Variants in GATAD2A observed in about 807,000 individuals in gnomAD.
The protein encoded by GATAD2A is transcriptional repressor p66-alpha.
In GATAD2A, 12 loss-of-function variants were observed where a neutral mutation model predicts 68.5. The ratio of observed to expected loss-of-function variants is 0.18; its 90% confidence interval spans 0.11 to 0.28. The LOEUF (loss-of-function observed/expected upper bound fraction) is 0.28, where lower values mean the gene tolerates loss of function less well. Ranked by LOEUF, GATAD2A falls within the 10% of genes least tolerant of loss-of-function variation. GATAD2A has a pLI of 1.00. For missense variants in GATAD2A, 755 were observed against 868.5 expected, an observed-to-expected ratio of 0.87 and a Z score of 1.64; for synonymous variants, 410 against 375.3, an observed-to-expected ratio of 1.09 and a Z score of -1.07.
intron 1 of GATAD2A, among the ~76,000 whole-genome samples, chr19:19,429,017 G>GTT (rs35115269): frequency 1.0e-4 from 13 of 130,100 alleles, no homozygotes; most frequent in African/African-American, 1.7e-4. Context: ...GCATTTGTAT[G>GTT]TTTTTTTTTT....
intron 1 of GATAD2A, among the ~76,000 whole-genome samples, chr19:19,456,719 T>G (rs2056973286): frequency 6.6e-6 from 1 of 152,200 alleles, no homozygotes; most frequent in African/African-American, 2.4e-5. Context: ...TCGTAATCAC[T>G]TAATATCTCA....
rs1016027093 is a variant in GATAD2A, at chr19:19,441,039, TTTCCTTCCC to T, written c.-6-24292_-6-24284del. On this transcript the variant is annotated intron_variant, in intron 1 of 11. Coordinates refer to ENST00000683918, the MANE Select transcript of GATAD2A (RefSeq NM_001384528.1). The stretch of plus-strand genomic sequence containing the variant: ...TTCCTTCCCTTCCTTCCCTTCCTTC[TTTCCTTCCC>T]TTCCTTCCGTTCCTTCCCTCCCCTC... Among the ~76,000 whole-genome samples the T allele has an allele frequency of 1.3e-4, 18 of 138,304 alleles. No individual in the cohort carries two copies. In the Admixed American group the frequency reaches 1.3e-3, roughly 10 times the overall value. 90.7% of individuals were successfully genotyped at this position (138,304 alleles called of 152,430 possible). A position where few individuals can be genotyped will look rare whatever the true frequency, so the allele number is the denominator to read the frequency against.
intron 1 of GATAD2A, among the ~76,000 whole-genome samples, chr19:19,459,727 C>T (rs2057257141): frequency 6.6e-6 from 1 of 152,234 alleles, no homozygotes; most frequent in Admixed American, 6.5e-5. Flanking sequence ...ATCTTGTGTC[C>T]TTGGTCCTGT....
intron 1 of GATAD2A, among the ~76,000 whole-genome samples, chr19:19,458,772 A>G (rs980917300): frequency 3.3e-5 from 5 of 152,182 alleles, no homozygotes; most frequent in South Asian, 2.1e-4. Flanking sequence ...CTGCGTGGAC[A>G]TCTTCGATAA....
Position 19,502,806 on chromosome 19 carries a change from C to G in GATAD2A, c.1774+280C>G, listed in dbSNP as rs574054950. ...CCAGGCCTGGCTCAGAGGGTGCCCC[C>G]ACAGCCATCCATGTGGACTCTTGTC... On this transcript the variant is annotated intron_variant, in intron 11 of 11. Coordinates refer to ENST00000683918, the MANE Select transcript of GATAD2A (RefSeq NM_001384528.1). 6.6e-4 allele frequency among the ~76,000 whole-genome samples: 101 copies of G among 152,380 alleles called. 3 individuals are homozygous for G. Among genetic ancestry groups the G allele is most frequent in the Admixed American group, 4.2e-3 (65 of 15,312 alleles).
chr19:19,502,573 G>A (rs1488032817), intron 11 of GATAD2A, 47 bp downstream of exon 11: 3 of 1,422,306 alleles, frequency 2.1e-6, no homozygotes, highest in Non-Finnish European at 1.9e-6. Context: ...CCATTGTGGG[G>A]TTCACCCTTC....
At chr19:19,498,247 G>T (rs1277985846) in intron 7 of GATAD2A, among the ~76,000 whole-genome samples, 196 bp from the exon 8 acceptor site, 1 of 152,256 alleles carries the variant, frequency 6.6e-6, no homozygotes, top group East Asian at 1.9e-4. Flanking sequence ...ACCTAGGGTG[G>T]TGTGTTTCTC....
At chr19:19,460,150 C>G (rs1017221722) in intron 1 of GATAD2A, among the ~76,000 whole-genome samples, 1 of 152,232 alleles carries the variant, frequency 6.6e-6, no homozygotes, top group African/African-American at 2.4e-5. Context: ...CAACAAGGTA[C>G]CCTGGTTTGA....
intron 1 of GATAD2A, among the ~76,000 whole-genome samples, chr19:19,438,892 T>C (rs1026731705): frequency 6.6e-6 from 1 of 152,258 alleles, no homozygotes; most frequent in African/African-American, 2.4e-5. Flanking sequence ...GCACTTTTTG[T>C]TGTGGGTGTG....
intron 4 of GATAD2A, among the ~76,000 whole-genome samples, chr19:19,493,413 C>T (rs1409477607): frequency 1.3e-5 from 2 of 152,236 alleles, no homozygotes; most frequent in East Asian, 3.8e-4. Flanking sequence ...AGTCCCCTCC[C>T]AGCTGCAAGT....
chr19:19,479,747 T>G (rs2058923922), intron 2 of GATAD2A, among the ~76,000 whole-genome samples: 1 of 152,196 alleles, frequency 6.6e-6, no homozygotes, highest in Admixed American at 6.5e-5. Flanking sequence ...GTTTTTCTAC[T>G]GTAAAGTTAC....
In GATAD2A at chr19:19,505,914, TC is replaced by T. The variant is rs2060847622; in HGVS notation, c.*443del. 1 of 399,024 alleles carries T rather than the reference TC, an allele frequency of 2.5e-6. No homozygotes were observed. Among genetic ancestry groups the T allele is most frequent in the Non-Finnish European group, 4.4e-6 (1 of 226,346 alleles). 24.7% of individuals were successfully genotyped at this position (399,024 alleles called of 1,614,324 possible). ...GCGGGGTGTTTCATTTTTTTGCTTTTCCCTGTCTTAGGCTCCCAGTCTTTGA... is the reference window on the plus strand; with the variant it reads ...GCGGGGTGTTTCATTTTTTTGCTTTTCCTGTCTTAGGCTCCCAGTCTTTGA... On this transcript the variant is annotated 3_prime_UTR_variant, in exon 12 of 12. Transcript: ENST00000683918.
At chr19:19,387,595 A>G (rs951710720) in intron 1 of GATAD2A, among the ~76,000 whole-genome samples, 1 of 152,072 alleles carries the variant, frequency 6.6e-6, no homozygotes, top group Non-Finnish European at 1.5e-5. Context: ...TTGGGATTAC[A>G]GGTGTGAGCC....
At chr19:19,411,962 G>A (rs559941278) in intron 1 of GATAD2A, among the ~76,000 whole-genome samples, 5 of 152,220 alleles carry the variant, frequency 3.3e-5, no homozygotes, top group Non-Finnish European at 4.4e-5. Flanking sequence ...GTCAAGGCCG[G>A]GCGCGGCAGC....
chr19:19,468,080 A>G (rs2148052045), intron 2 of GATAD2A, among the ~76,000 whole-genome samples: 1 of 152,362 alleles, frequency 6.6e-6, no homozygotes, highest in Non-Finnish European at 1.5e-5. Context: ...TTCTGGAAAA[A>G]TTGAGCAGGG....
intron 1 of GATAD2A, among the ~76,000 whole-genome samples, chr19:19,386,998 A>C (rs532222456): frequency 6.6e-6 from 1 of 151,464 alleles, no homozygotes; most frequent in East Asian, 2.0e-4. Flanking sequence ...CCTTTCTCTG[A>C]GGGACCCCTG....
intron 1 of GATAD2A, among the ~76,000 whole-genome samples, chr19:19,398,272 C>T (rs183207405): frequency 1.5e-3 from 230 of 151,092 alleles, no homozygotes; most frequent in African/African-American, 5.1e-3. Flanking sequence ...GGTGTGATCT[C>T]GGGTCACCGC....
intron 1 of GATAD2A, chr19:19,435,217 G>A (rs2054196597): frequency 4.2e-6 from 2 of 478,712 alleles, no homozygotes; most frequent in East Asian, 6.0e-5. Flanking sequence ...CCTATTAAAT[G>A]CTAGGTTTCT....
intron 10 of GATAD2A, 126 bp downstream of exon 10, chr19:19,502,169 C>T (rs1242404302): frequency 3.4e-6 from 3 of 881,576 alleles, no homozygotes; most frequent in Middle Eastern, 5.2e-4. Flanking sequence ...CTCTCCCCTC[C>T]CCCACCCCTC....
Sources: gnomAD v4.1 joint callset for allele counts (sites outside exome capture counted in the v4.1 genomes callset) on GRCh38, gnomAD v4.1.1 for gene constraint, MANE v1.5 for transcripts, NCBI Gene and HGNC (gene_info 2026-07-23, HGNC 2026-07-21) for gene names.